The following DNAH11 variants were observed in gnomAD, a reference collection of about 807,000 sequenced individuals.
DNAH11 encodes dynein axonemal heavy chain 11.
In DNAH11, 442 loss-of-function variants were observed where a neutral mutation model predicts 526.0. That is an observed-to-expected ratio of 0.84 (90% CI 0.78 to 0.91). The LOEUF (loss-of-function observed/expected upper bound fraction) is 0.91. DNAH11 is among the 40% of genes least tolerant of loss of function. The probability of loss-of-function intolerance (pLI) is 0.00; values close to 1 mark genes in which losing one functional copy is unlikely to be tolerated. For missense variants in DNAH11, 6,989 were observed against 5,448.7 expected (o/e 1.28, Z -8.90); for synonymous variants, 2,461 against 1,935.9 (o/e 1.27, Z -7.12).
At position 21,765,555 on chromosome 7, in the gene DNAH11, G is replaced by A. The variant is rs901551946; in HGVS notation, c.9068G>A (p.Ser3023Asn). 6 of 1,606,960 alleles carry A rather than the reference G, an allele frequency of 3.7e-6. No homozygotes were observed. Among genetic ancestry groups the A allele is most frequent in the African/African-American group, 2.7e-5 (2 of 74,754 alleles). ...CCGCAGGAGGCTCTGGTCTCCGTCA[G>A]CAGGAGGTTCATTGAGGAAACCAAG... ...AWPQEALVSV[S>N]RRFIEETKGI... The change falls in exon 55 of 82, where the codon AGC (serine) becomes AAC (asparagine). Residue 3023 changes from serine to asparagine, a missense_variant. By Grantham distance (46) the Ser-to-Asn change is conservative. Coordinates refer to ENST00000409508, the MANE Select transcript of DNAH11 (RefSeq NM_001277115.2).
intron 2 of DNAH11, among the ~76,000 whole-genome samples, chr7:21,555,407 G>T (rs751940640): frequency 6.6e-6 from 1 of 152,152 alleles, no homozygotes; most frequent in Non-Finnish European, 1.5e-5. Flanking sequence ...TGGCCCATAG[G>T]CCTAGAATTT....
intron 61 of DNAH11, among the ~76,000 whole-genome samples, chr7:21,797,280 T>C (rs115046280): frequency 0.044 from 6,704 of 151,680 alleles, 605 homozygotes; most frequent in African/African-American, 0.15. Flanking sequence ...AGTGCAGTGG[T>C]GCGTTCTCAG....
intron 57 of DNAH11, among the ~76,000 whole-genome samples, chr7:21,782,008 C>G (rs1787965053): frequency 6.6e-6 from 1 of 152,222 alleles, no homozygotes; most frequent in Non-Finnish European, 1.5e-5. Context: ...CTAATGACCT[C>G]AGTTTAACCT....
At chr7:21,848,387 A>G (rs1317145667) in intron 66 of DNAH11, among the ~76,000 whole-genome samples, 1 of 151,382 alleles carries the variant, frequency 6.6e-6, no homozygotes, top group Non-Finnish European at 1.5e-5. Flanking sequence ...AGTGGGTTTT[A>G]TAGACAGATA....
intron 64 of DNAH11, 80 bp from the exon 65 acceptor site, chr7:21,818,137 T>C: frequency 1.4e-6 from 2 of 1,400,608 alleles, no homozygotes; most frequent in Non-Finnish European, 2.0e-6. Flanking sequence ...CTACATTAAA[T>C]ATAATTTGAT....
intron 28 of DNAH11, among the ~76,000 whole-genome samples, chr7:21,641,822 G>A (rs191470929): frequency 1.4e-4 from 21 of 152,232 alleles, no homozygotes; most frequent in African/African-American, 3.4e-4. Context: ...TTAACTACGC[G>A]TTCTAAATCC....
rs1060504814 is a variant in DNAH11 at position 21,750,374 on chromosome 7, A to C, written c.8940+10A>C. On this transcript the variant is annotated intron_variant, in intron 54 of 81. Coordinates refer to ENST00000409508, the MANE Select transcript of DNAH11 (RefSeq NM_001277115.2). ...GCGACTACAGCTCAAAGTAAGAAAT[A>C]CTTGCTTAATTTGCATGTTAGTTAA... The C allele has an allele frequency of 6.3e-6, 10 of 1,592,726 alleles. No individual in the cohort carries two copies. The Admixed American group carries it at 1.8e-4, about 28-fold the overall frequency.
At chr7:21,559,835 T>C in intron 4 of DNAH11, 43 bp downstream of exon 4, 1 of 1,471,208 alleles carries the variant, frequency 6.8e-7, no homozygotes, top group Non-Finnish European at 9.3e-7. Flanking sequence ...ATTAGCAAAG[T>C]GTCCTGAGCT....
At chr7:21,664,975 C>T (rs540515219) in intron 30 of DNAH11, among the ~76,000 whole-genome samples, 1 of 152,168 alleles carries the variant, frequency 6.6e-6, no homozygotes, top group Admixed American at 6.5e-5. Flanking sequence ...GCTCTCTGTC[C>T]AAATTCTTTG....
intron 51 of DNAH11, among the ~76,000 whole-genome samples, chr7:21,747,551 TC>T (rs1261037087): frequency 6.6e-6 from 1 of 152,238 alleles, no homozygotes; most frequent in Admixed American, 6.5e-5. Context: ...TTCAAACCCA[TC>T]TTTTGCTAAA....
In DNAH11 at chr7:21,705,352, T is replaced by C. The variant is rs149876285; in HGVS notation, c.6469-108T>C. On this transcript the variant is annotated intron_variant, in intron 38 of 81. Transcript: ENST00000409508. ...CTTTCTCTGAACATACTGTTGTCAG[T>C]GGGGGCTGGCTTGGGTGTAAGGAAA... is the stretch of plus-strand genomic sequence containing the variant. 44 of 1,010,602 alleles carry C rather than the reference T, an allele frequency of 4.4e-5. No individual in the cohort carries two copies. In the African/African-American group the frequency reaches 6.5e-4, roughly 15 times the overall value. 62.6% of individuals were successfully genotyped at this position (1,010,602 alleles called of 1,614,324 possible). A position where few individuals can be genotyped will look rare whatever the true frequency, so the allele number is the denominator to read the frequency against.
At chr7:21,623,842 CA>C (rs1381907786) in intron 25 of DNAH11, among the ~76,000 whole-genome samples, 1 of 151,674 alleles carries the variant, frequency 6.6e-6, no homozygotes, top group African/African-American at 2.4e-5. Context: ...GGAGGGATAG[CA>C]TTAGGAGATA....
At chr7:21,742,580 C>T (rs1282394291) in intron 49 of DNAH11, among the ~76,000 whole-genome samples, 1 of 152,136 alleles carries the variant, frequency 6.6e-6, no homozygotes, top group Non-Finnish European at 1.5e-5. Flanking sequence ...CACCAGGCCC[C>T]ACCTCCAACA....
intron 65 of DNAH11, among the ~76,000 whole-genome samples, chr7:21,838,079 A>G (rs1389028660): frequency 6.6e-6 from 1 of 152,234 alleles, no homozygotes; most frequent in African/African-American, 2.4e-5. Flanking sequence ...ATTTTCTCAA[A>G]GCTGCTTGTG....
chr7:21,657,550 G>A (rs1782068732), intron 29 of DNAH11, among the ~76,000 whole-genome samples: 1 of 152,196 alleles, frequency 6.6e-6, no homozygotes, highest in Admixed American at 6.5e-5. Context: ...GGACTGCAAA[G>A]TTCTTGAGAA....
chr7:21,868,014 G>A lies in DNAH11; in HGVS notation c.11839+7G>A. 3 of 1,511,696 alleles carry A rather than the reference G, an allele frequency of 2.0e-6. No individual in the cohort carries two copies. Among genetic ancestry groups the A allele is most frequent in the South Asian group, 1.3e-5 (1 of 75,840 alleles). The allele number at this position is 1,511,696 out of a possible 1,614,324, so 93.6% of individuals were successfully genotyped here. A position where few individuals can be genotyped will look rare whatever the true frequency, so the allele number is the denominator to read the frequency against. On this transcript the variant is annotated splice_region_variant and intron_variant, in intron 72 of 81. Transcript: ENST00000409508. Reference sequence around the variant, plus strand: ...AAAGACCTGGAGATTCTTGGTGAGTGGCTGGGAGGCTCGCTGGCCCGCCCC... The same window carrying A: ...AAAGACCTGGAGATTCTTGGTGAGTAGCTGGGAGGCTCGCTGGCCCGCCCC...
intron 73 of DNAH11, 31 bp from the exon 74 acceptor site, chr7:21,873,243 C>A: frequency 6.6e-7 from 1 of 1,510,538 alleles, no homozygotes; most frequent in Non-Finnish European, 9.0e-7. Flanking sequence ...GCCTCACCTT[C>A]ACAGGAATTA....
At chr7:21,856,367 T>TA (rs1198819041) in intron 68 of DNAH11, among the ~76,000 whole-genome samples, 3 of 152,078 alleles carry the variant, frequency 2.0e-5, no homozygotes, top group East Asian at 3.9e-4. Context: ...CAAGCATAAC[T>TA]AGCAGGTTTC....
intron 8 of DNAH11, among the ~76,000 whole-genome samples, chr7:21,578,968 C>T (rs910250493): frequency 6.6e-6 from 1 of 152,194 alleles, no homozygotes; most frequent in Non-Finnish European, 1.5e-5. Flanking sequence ...CATCTGTAAT[C>T]TTGCTCATTT....
Sources: allele counts gnomAD v4.1 joint callset (sites outside exome capture counted in the v4.1 genomes callset), GRCh38; gene constraint gnomAD v4.1.1; transcripts MANE v1.5; gene names NCBI Gene and HGNC (gene_info 2026-07-23, HGNC 2026-07-21).